The following MBP variants were observed in gnomAD, a reference collection of about 807,000 sequenced individuals.
The protein encoded by MBP is Golli-MBP.
MBP carries 16 observed loss-of-function variants against 35.8 expected under a neutral mutation model. The observed-to-expected ratio is 0.45, with a 90% CI of 0.30 to 0.68. MBP has a LOEUF of 0.68. MBP is among the 30% of genes least tolerant of loss of function. The pLI is 0.08. For synonymous variants in MBP, 143 were observed against 159.6 expected, an observed-to-expected ratio of 0.90 and a Z score of 0.78; for missense variants, 380 against 404.7, an observed-to-expected ratio of 0.94 and a Z score of 0.52.
intron 4 of MBP, among the ~76,000 whole-genome samples, chr18:76,994,729 A>C (rs775587876): frequency 6.6e-6 from 1 of 152,222 alleles, no homozygotes; most frequent in Non-Finnish European, 1.5e-5. Flanking sequence ...TGAAAAAGGC[A>C]GTTGGTTTAT....
chr18:77,063,916 G>A (rs1974086670), intron 3 of MBP, among the ~76,000 whole-genome samples: 1 of 151,550 alleles, frequency 6.6e-6, no homozygotes, highest in South Asian at 2.1e-4. Flanking sequence ...GTGTGTGTGT[G>A]TGTGTGTATG....
chr18:77,081,506 C>A (rs964454037), intron 2 of MBP, among the ~76,000 whole-genome samples: 5 of 152,012 alleles, frequency 3.3e-5, no homozygotes, highest in Non-Finnish European at 7.4e-5. Flanking sequence ...CCATGAGATA[C>A]CACCTATAGG....
At position 76,989,430 on chromosome 18, in the gene MBP, A is replaced by G. The variant is rs1969764040; in HGVS notation, c.682-518T>C. On this transcript the variant is annotated intron_variant, in intron 5 of 8. Coordinates refer to ENST00000355994, the MANE Select transcript of MBP (RefSeq NM_001025101.2). This position sits in a 1 kb window ranked among gnomAD's most constrained non-coding sequence, Gnocchi z 4.0. ...GCATGGCACTTTTCGGTTTACAGAA[A>G]AACTGTGCAGAAATTAGTTTCCACA... 6.6e-6 allele frequency among the ~76,000 whole-genome samples: 1 copy of G among 152,134 alleles called. No homozygotes were observed. Among genetic ancestry groups the G allele is most frequent in the African/African-American group, 2.4e-5 (1 of 41,416 alleles).
chr18:77,021,063 G>A (rs553216594), intron 3 of MBP, among the ~76,000 whole-genome samples: 3 of 152,338 alleles, frequency 2.0e-5, no homozygotes, highest in Non-Finnish European at 2.9e-5. Flanking sequence ...CTGGAAGAGT[G>A]TTGTCTTCTG....
At position 77,131,040 on chromosome 18, in the gene MBP, A is replaced by G. The variant is rs1231770523; in HGVS notation, c.-26+1540T>C. On this transcript the variant is annotated intron_variant, in intron 1 of 8. Coordinates refer to ENST00000355994, the MANE Select transcript of MBP (RefSeq NM_001025101.2). The surrounding 1 kb of genome is among the most constrained non-coding windows in gnomAD (Gnocchi z 5.5). ...GTTTTTCCCACAAAAAAAAAAAAAA[A>G]ACAAAACCTCAAAAAACAAAACACA... Among the ~76,000 whole-genome samples, 10 of 150,910 alleles carry G rather than the reference A, an allele frequency of 6.6e-5. No individual in the cohort carries two copies. The highest frequency in any genetic ancestry group is 2.4e-4 in the African/African-American group (10 of 41,086).
At chr18:77,048,056 A>T (rs1599138639) in intron 3 of MBP, among the ~76,000 whole-genome samples, 1 of 152,360 alleles carries the variant, frequency 6.6e-6, no homozygotes, top group East Asian at 1.9e-4. Flanking sequence ...TTGGAATTAA[A>T]CACTTAAATG....
At chr18:77,122,966 G>A (rs145718227) in intron 1 of MBP, among the ~76,000 whole-genome samples, 2,468 of 152,314 alleles carry the variant, frequency 0.016, 32 homozygotes, top group Middle Eastern at 0.044. Flanking sequence ...ACATGGCAGG[G>A]TATTGAGCAA....
At chr18:77,082,067 T>G (rs530503155) in intron 2 of MBP, among the ~76,000 whole-genome samples, 33 of 151,554 alleles carry the variant, frequency 2.2e-4, no homozygotes, top group East Asian at 9.8e-4. Context: ...TTAGCCGGGA[T>G]GGTTTCGATC....
chr18:77,094,167 G>A (rs1385400809), intron 2 of MBP, among the ~76,000 whole-genome samples: 4 of 152,026 alleles, frequency 2.6e-5, no homozygotes, highest in African/African-American at 4.8e-5. Flanking sequence ...ATAGAGATGG[G>A]TTTTCACCAT....
At position 76,988,256 on chromosome 18, in the gene MBP, GC is replaced by G. The variant is rs1282895404; in HGVS notation, c.750+238del. 1 of 1,550,454 alleles carries G rather than the reference GC, an allele frequency of 6.4e-7. No homozygotes were observed. The highest frequency in any genetic ancestry group is 2.4e-5 in the East Asian group (1 of 40,906). ...GAACCCTCTGGGAGAAGAGGATCTG[GC>G]CTTGCAGGGCTGGGTCCCCGGCACA... On this transcript the variant is annotated intron_variant, in intron 7 of 8. Coordinates refer to ENST00000355994, the MANE Select transcript of MBP (RefSeq NM_001025101.2). This position sits in a 1 kb window ranked among gnomAD's most constrained non-coding sequence, Gnocchi z 5.2.
Position 76,979,931 on chromosome 18 carries a change from A to G in MBP, c.*496T>C, listed in dbSNP as rs1969082394. The G allele has an allele frequency of 1.4e-6, 1 of 701,704 alleles. No homozygotes were observed. The highest frequency in any genetic ancestry group is 2.0e-5 in the Admixed American group (1 of 49,806). The allele number at this position is 701,704 out of a possible 1,614,324, so 43.5% of individuals were successfully genotyped here. A position where few individuals can be genotyped will look rare whatever the true frequency, so the allele number is the denominator to read the frequency against. On this transcript the variant is annotated 3_prime_UTR_variant, in exon 9 of 9. Coordinates refer to ENST00000355994, the MANE Select transcript of MBP (RefSeq NM_001025101.2). ...TGTCTAATCCTGTTAGGAAAAATGA[A>G]GTCTACTTTAGGAGGTGAGAGAAGG...
intron 3 of MBP, among the ~76,000 whole-genome samples, chr18:77,062,024 A>G (rs1469339258): frequency 6.6e-6 from 1 of 152,210 alleles, no homozygotes; most frequent in African/African-American, 2.4e-5. Context: ...TAGGACATCC[A>G]TCCTCTGTGG....
intron 3 of MBP, among the ~76,000 whole-genome samples, chr18:77,052,981 C>T (rs191359397): frequency 5.9e-5 from 9 of 152,332 alleles, no homozygotes; most frequent in African/African-American, 1.9e-4. Flanking sequence ...TGTGAGTCCA[C>T]GCTAGACCTC....
chr18:77,017,551 C>T (rs1971723803), intron 3 of MBP: 1 of 302,910 alleles, frequency 3.3e-6, no homozygotes, highest in Non-Finnish European at 6.0e-6. Flanking sequence ...GCATGCAGAG[C>T]AGCCACATCA....
upstream of MBP, chr18:77,133,703 G>A (rs1257533856): frequency 6.6e-6 from 1 of 152,284 alleles, no homozygotes; most frequent in Non-Finnish European, 1.5e-5. Context: ...CAGTTTGTTA[G>A]GAAGTGAGGG....
At chr18:77,069,783 G>C (rs1974358043) in intron 2 of MBP, among the ~76,000 whole-genome samples, 2 of 152,122 alleles carry the variant, frequency 1.3e-5, no homozygotes, top group African/African-American at 4.8e-5. Flanking sequence ...TGCACACGTT[G>C]GTCCCACAGC....
At chr18:77,006,962 G>A in intron 4 of MBP, 1 of 152,564 alleles carries the variant, frequency 6.6e-6, no homozygotes, top group Admixed American at 6.5e-5. Flanking sequence ...GAGGACACAG[G>A]GTGAGGTGGA....
At chr18:77,061,389 G>A (rs1973971211) in intron 3 of MBP, among the ~76,000 whole-genome samples, 1 of 152,228 alleles carries the variant, frequency 6.6e-6, no homozygotes, top group Non-Finnish European at 1.5e-5. Flanking sequence ...ACTAGCCAAT[G>A]TTTACTGAGT....
intron 3 of MBP, among the ~76,000 whole-genome samples, chr18:77,026,130 G>C (rs532644469): frequency 9.2e-5 from 14 of 152,338 alleles, no homozygotes; most frequent in Middle Eastern, 3.4e-3. Context: ...AATGCTTCTG[G>C]TCAGGGGGCC....
Sources: gnomAD v4.1 joint callset for allele counts (sites outside exome capture counted in the v4.1 genomes callset) on GRCh38, gnomAD v4.1.1 for gene constraint, Gnocchi (gnomAD v3.1) non-coding constraint, MANE v1.5 for transcripts, NCBI Gene and HGNC (gene_info 2026-07-23, HGNC 2026-07-21) for gene names.